Variants in EPHB1 observed in about 807,000 individuals in gnomAD.
The protein encoded by EPHB1 is EPH receptor B1.
EPHB1 carries 30 observed loss-of-function variants against 94.4 expected under a neutral mutation model. The ratio of observed to expected loss-of-function variants is 0.32; its 90% confidence interval spans 0.24 to 0.43. The LOEUF is 0.43. EPHB1 is among the 20% of genes least tolerant of loss of function. The pLI is 1.00. For synonymous variants in EPHB1, 522 were observed against 489.1 expected (o/e 1.07, Z -0.89); for missense variants, 1,055 against 1,308.3 (o/e 0.81, Z 2.99).
intron 15 of EPHB1, among the ~76,000 whole-genome samples, chr3:135,251,792 C>A (rs1175426938): frequency 1.3e-5 from 2 of 152,300 alleles, no homozygotes; most frequent in South Asian, 4.1e-4. Context: ...TCCAGCCAAG[C>A]GTTCACCAGG....
chr3:134,848,194 G>A (rs1319752082), intron 1 of EPHB1, among the ~76,000 whole-genome samples: 2 of 152,190 alleles, frequency 1.3e-5, no homozygotes, highest in African/African-American at 2.4e-5. Flanking sequence ...ACAGGAATGT[G>A]TGACTGGGAC....
At chr3:135,102,852 C>A (rs575217411) in intron 3 of EPHB1, among the ~76,000 whole-genome samples, 1 of 152,186 alleles carries the variant, frequency 6.6e-6, no homozygotes, top group Non-Finnish European at 1.5e-5. Flanking sequence ...TGGAAACCAT[C>A]ATTCTCAGCA....
intron 15 of EPHB1, among the ~76,000 whole-genome samples, chr3:135,252,687 T>TGC (rs1933178977): frequency 7.0e-6 from 1 of 141,952 alleles, no homozygotes; most frequent in Non-Finnish European, 1.6e-5. Context: ...CGTTTGCACG[T>TGC]GTCTTTATAG....
intron 3 of EPHB1, among the ~76,000 whole-genome samples, chr3:135,034,189 G>A (rs916571444): frequency 6.6e-6 from 1 of 152,158 alleles, no homozygotes; most frequent in Non-Finnish European, 1.5e-5. Context: ...GACTTTAAAT[G>A]TGTATGATTT....
At chr3:135,101,892 C>G (rs1189327397) in intron 3 of EPHB1, among the ~76,000 whole-genome samples, 2 of 152,176 alleles carry the variant, frequency 1.3e-5, no homozygotes, top group East Asian at 3.9e-4. Flanking sequence ...ACAAGCATAG[C>G]ACAGATCCTG....
intron 9 of EPHB1, among the ~76,000 whole-genome samples, chr3:135,178,688 G>T (rs1201419577): frequency 1.3e-5 from 2 of 152,042 alleles, no homozygotes; most frequent in Non-Finnish European, 2.9e-5. Flanking sequence ...AACATGAAGA[G>T]GGGGGAGGTG....
rs553025991 is a variant in EPHB1, at chr3:134,959,143, G to A, written c.805+7091G>A. ...CATCATATGGTTATTACTGAGGTGGGGTGGGTAGTGGGAACATCACCACGT... is the reference window on the plus strand; with the variant it reads ...CATCATATGGTTATTACTGAGGTGGAGTGGGTAGTGGGAACATCACCACGT... On this transcript the variant is annotated intron_variant, in intron 3 of 15. Coordinates refer to ENST00000398015, the MANE Select transcript of EPHB1 (RefSeq NM_004441.5). Among the ~76,000 whole-genome samples the A allele has an allele frequency of 2.6e-5, 4 of 152,260 alleles. No individual in the cohort carries two copies. In the South Asian group the frequency reaches 8.3e-4, roughly 32 times the overall value.
chr3:135,258,891 A>C, intron 15 of EPHB1, 121 bp from the exon 16 acceptor site: 1 of 856,484 alleles, frequency 1.2e-6, no homozygotes, highest in Middle Eastern at 2.3e-4. Flanking sequence ...GGGTAAACTT[A>C]AGCTAGTTGG....
intron 1 of EPHB1, among the ~76,000 whole-genome samples, chr3:134,839,893 G>A (rs2036744813): frequency 6.6e-6 from 1 of 152,184 alleles, no homozygotes; most frequent in Non-Finnish European, 1.5e-5. Flanking sequence ...GTGACTTGAT[G>A]AGGATTTGCT....
At chr3:134,805,996 A>G (rs888907653) in intron 1 of EPHB1, among the ~76,000 whole-genome samples, 1 of 152,190 alleles carries the variant, frequency 6.6e-6, no homozygotes, top group Non-Finnish European at 1.5e-5. Context: ...TCCCCAGCAC[A>G]TAGCACCCCC....
intron 2 of EPHB1, among the ~76,000 whole-genome samples, chr3:134,944,366 A>T (rs1173068677): frequency 2.0e-5 from 3 of 152,170 alleles, no homozygotes; most frequent in Non-Finnish European, 4.4e-5. Context: ...TGCACTCACC[A>T]CTTGACAACA....
At chr3:134,900,654 C>T (rs1466172913) in intron 1 of EPHB1, among the ~76,000 whole-genome samples, 2 of 152,024 alleles carry the variant, frequency 1.3e-5, no homozygotes, top group African/African-American at 4.8e-5. Flanking sequence ...GACATAAGAG[C>T]AAGTGTGTGT....
In EPHB1 at chr3:135,014,737, T is replaced by G. The variant is rs571282076; in HGVS notation, c.805+62685T>G. Among the ~76,000 whole-genome samples the G allele has an allele frequency of 1.5e-4, 23 of 152,286 alleles. No homozygotes were observed. In the South Asian group the frequency reaches 3.5e-3, roughly 23 times the overall value. The stretch of plus-strand genomic sequence containing the variant: ...CTGCCTTGCCTGATGAGAGCATGTG[T>G]CATTCATGAAGCAATTTCCCTGCAG... On this transcript the variant is annotated intron_variant, in intron 3 of 15. Transcript: ENST00000398015.
intron 1 of EPHB1, among the ~76,000 whole-genome samples, chr3:134,854,832 G>A (rs2037076596): frequency 6.6e-6 from 1 of 152,054 alleles, no homozygotes; most frequent in Admixed American, 6.6e-5. Flanking sequence ...TTTTTCTTTA[G>A]AGAATTTTTG....
At chr3:135,172,562 G>A (rs75598615) in intron 9 of EPHB1, among the ~76,000 whole-genome samples, 1,564 of 152,312 alleles carry the variant, frequency 0.01, 25 homozygotes, top group African/African-American at 0.035. Context: ...ATTCTGGGTG[G>A]TGTCTGTATT....
chr3:135,012,650 T>C (rs1050501988), intron 3 of EPHB1, among the ~76,000 whole-genome samples: 6 of 152,222 alleles, frequency 3.9e-5, no homozygotes, highest in Admixed American at 3.9e-4. Context: ...CTTTCTTGTT[T>C]CCCCAATTAA....
chr3:135,226,186 C>T (rs188717638), intron 12 of EPHB1, among the ~76,000 whole-genome samples: 37 of 152,348 alleles, frequency 2.4e-4, no homozygotes, highest in South Asian at 6.2e-4. Flanking sequence ...GCCTACACTA[C>T]GGCTTGCATG....
At chr3:135,061,162 A>G (rs150385203) in intron 3 of EPHB1, among the ~76,000 whole-genome samples, 2,754 of 152,320 alleles carry the variant, frequency 0.018, 35 homozygotes, top group Middle Eastern at 0.027. Context: ...ATTGGAGTAC[A>G]GGTGGTGTTT....
At chr3:134,817,131 G>C (rs146044171) in intron 1 of EPHB1, among the ~76,000 whole-genome samples, 1,732 of 150,104 alleles carry the variant, frequency 0.012, 104 homozygotes, top group Admixed American at 0.092. Flanking sequence ...TATGAATGTA[G>C]TTTTTTTTTT....
Sources: allele counts gnomAD v4.1 joint callset (sites outside exome capture counted in the v4.1 genomes callset), GRCh38; gene constraint gnomAD v4.1.1; transcripts MANE v1.5; gene names NCBI Gene and HGNC (gene_info 2026-07-23, HGNC 2026-07-21).